Variants in ZDHHC17 observed in about 807,000 individuals in gnomAD.
ZDHHC17 encodes zDHHC palmitoyltransferase 17.
Under a neutral mutation model 90.3 loss-of-function variants are expected in ZDHHC17, and 40 were observed. The observed-to-expected ratio is 0.44, with a 90% CI of 0.34 to 0.58. The LOEUF is 0.58. Among genes scored for constraint, ZDHHC17 ranks in the 20% least tolerant of loss-of-function variants. ZDHHC17 has a pLI of 0.01. For synonymous variants in ZDHHC17, 235 were observed against 252.4 expected, an observed-to-expected ratio of 0.93 and a Z score of 0.65; for missense variants, 614 against 780.8, an observed-to-expected ratio of 0.79 and a Z score of 2.55.
At chr12:76,814,629 G>A (rs548112779) in intron 5 of ZDHHC17, among the ~76,000 whole-genome samples, 1 of 151,960 alleles carries the variant, frequency 6.6e-6, no homozygotes, top group Admixed American at 6.6e-5. Context: ...TGGTGAAAAT[G>A]GTGGGAAGTA....
At chr12:76,835,670 A>G (rs898836958) in intron 10 of ZDHHC17, among the ~76,000 whole-genome samples, 19 of 152,048 alleles carry the variant, frequency 1.2e-4, no homozygotes, top group African/African-American at 4.6e-4. Flanking sequence ...TGGGGTAATC[A>G]TATGTATAAA....
At chr12:76,818,797 T>C (rs1953122027) in intron 7 of ZDHHC17, among the ~76,000 whole-genome samples, 1 of 152,216 alleles carries the variant, frequency 6.6e-6, no homozygotes, top group Non-Finnish European at 1.5e-5. Flanking sequence ...ATAAAGAGCT[T>C]TAATTGTATT....
At chr12:76,778,554 T>C (rs1952587577) in intron 1 of ZDHHC17, among the ~76,000 whole-genome samples, 1 of 152,202 alleles carries the variant, frequency 6.6e-6, no homozygotes, top group South Asian at 2.1e-4. Context: ...GATGGAGGGC[T>C]ATAGCTGGGT....
intron 1 of ZDHHC17, among the ~76,000 whole-genome samples, chr12:76,776,112 T>TA (rs1952556344): frequency 1.3e-5 from 2 of 151,524 alleles, no homozygotes; most frequent in African/African-American, 4.9e-5. Context: ...AGGGTACAGG[T>TA]GGAAAAAAAA....
intron 2 of ZDHHC17, among the ~76,000 whole-genome samples, chr12:76,803,481 C>A (rs907021713): frequency 1.2e-4 from 18 of 152,238 alleles, no homozygotes; most frequent in Middle Eastern, 3.4e-3. Context: ...ACATCATAAA[C>A]GTCATCTGCT....
intron 1 of ZDHHC17, among the ~76,000 whole-genome samples, chr12:76,792,791 A>G (rs1952774585): frequency 6.6e-6 from 1 of 152,210 alleles, no homozygotes; most frequent in Non-Finnish European, 1.5e-5. Flanking sequence ...TAGAAGTTTC[A>G]GAACTTTTTT....
At chr12:76,788,330 A>G (rs971716371) in intron 1 of ZDHHC17, among the ~76,000 whole-genome samples, 2 of 152,238 alleles carry the variant, frequency 1.3e-5, no homozygotes, top group African/African-American at 4.8e-5. Context: ...CAAAGGGCCA[A>G]GGGTGTACAG....
chr12:76,803,272 A>G (rs1952913301), intron 2 of ZDHHC17, among the ~76,000 whole-genome samples: 1 of 152,120 alleles, frequency 6.6e-6, no homozygotes, highest in Non-Finnish European at 1.5e-5. Context: ...AAAAAAAATT[A>G]CATGAGATAT....
chr12:76,797,198 GGTTGT>G (rs1429791449), intron 1 of ZDHHC17, among the ~76,000 whole-genome samples: 1 of 152,100 alleles, frequency 6.6e-6, no homozygotes, highest in Non-Finnish European at 1.5e-5. Context: ...GGGAGGCAGA[GGTTGT>G]AGGGAGCCGA....
intron 7 of ZDHHC17, among the ~76,000 whole-genome samples, chr12:76,820,547 T>A (rs140477960): frequency 9.1e-4 from 139 of 152,330 alleles, no homozygotes; most frequent in African/African-American, 3.3e-3. Context: ...AAGGGCATAG[T>A]TTTTAGCTTG....
At chr12:76,773,645 C>T (rs1952521738) in intron 1 of ZDHHC17, among the ~76,000 whole-genome samples, 2 of 152,172 alleles carry the variant, frequency 1.3e-5, no homozygotes, top group Admixed American at 1.3e-4. Context: ...TATATTAGAA[C>T]CTAAACTCTG....
chr12:76,772,217 GA>G (rs1952500591), intron 1 of ZDHHC17, among the ~76,000 whole-genome samples: 1 of 152,206 alleles, frequency 6.6e-6, no homozygotes, highest in African/African-American at 2.4e-5. Flanking sequence ...AGAGATGATA[GA>G]GTTGGATTTG....
At chr12:76,836,440 A>AT (rs1251701176) in intron 10 of ZDHHC17, among the ~76,000 whole-genome samples, 1 of 151,674 alleles carries the variant, frequency 6.6e-6, no homozygotes, top group African/African-American at 2.4e-5. Context: ...CCCCCCTCTC[A>AT]TTCCTGGTAT....
At chr12:76,809,916 T>C (rs2137762509) in intron 5 of ZDHHC17, 59 bp downstream of exon 5, 1 of 1,538,472 alleles carries the variant, frequency 6.5e-7, no homozygotes, top group South Asian at 1.2e-5. Context: ...TTTAAATGCC[T>C]AATATTATTG....
At chr12:76,807,648 C>G (rs908952821) in intron 3 of ZDHHC17, among the ~76,000 whole-genome samples, 1 of 152,020 alleles carries the variant, frequency 6.6e-6, no homozygotes, top group Admixed American at 6.6e-5. Flanking sequence ...AAAGTTCCCT[C>G]TCCTTGTGAA....
At chr12:76,779,195 T>C (rs1435998818) in intron 1 of ZDHHC17, among the ~76,000 whole-genome samples, 2 of 152,238 alleles carry the variant, frequency 1.3e-5, no homozygotes, top group Non-Finnish European at 2.9e-5. Flanking sequence ...TTTTGAGAGC[T>C]GTTTATATAT....
chr12:76,845,916 C>T (rs571059276), intron 13 of ZDHHC17, 114 bp downstream of exon 13: 1 of 512,292 alleles, frequency 2.0e-6, no homozygotes, highest in East Asian at 3.4e-5. Context: ...GCTTCATTTT[C>T]TCAGTTATCT....
At chr12:76,849,860 T>C (rs1045754927) in intron 16 of ZDHHC17, among the ~76,000 whole-genome samples, 2 of 152,280 alleles carry the variant, frequency 1.3e-5, no homozygotes, top group Non-Finnish European at 2.9e-5. Flanking sequence ...ACAGAGTTAG[T>C]TGGGTAGTTT....
chr12:76,824,956 G>C (rs965058448), intron 8 of ZDHHC17, among the ~76,000 whole-genome samples: 2 of 151,868 alleles, frequency 1.3e-5, no homozygotes, highest in Admixed American at 1.3e-4. Flanking sequence ...TTTTTACTTA[G>C]AATATTAAGT....
Sources: gnomAD v4.1 joint callset for allele counts (sites outside exome capture counted in the v4.1 genomes callset) on GRCh38, gnomAD v4.1.1 for gene constraint, MANE v1.5 for transcripts, NCBI Gene and HGNC (gene_info 2026-07-23, HGNC 2026-07-21) for gene names.